The following INTS6L variants were observed in gnomAD, a reference collection of about 807,000 sequenced individuals.
INTS6L encodes integrator complex subunit 6 like.
A neutral mutation model predicts 64.7 loss-of-function variants in INTS6L; 18 were observed. The observed-to-expected ratio is 0.28, with a 90% CI of 0.19 to 0.41. The LOEUF (loss-of-function observed/expected upper bound fraction) is 0.41, where lower values mean the gene tolerates loss of function less well. Ranked by LOEUF, INTS6L falls within the 10% of genes least tolerant of loss-of-function variation. INTS6L has a pLI of 1.00. For synonymous variants in INTS6L, 227 were observed against 235.9 expected (o/e 0.96, Z 0.34); for missense variants, 533 against 661.0 (o/e 0.81, Z 2.12).
chrX:135,540,766 C>CT (rs1250513540), intron 2 of INTS6L, among the ~76,000 whole-genome samples: 3 of 107,385 alleles, frequency 2.8e-5, no homozygotes, highest in Non-Finnish European at 3.9e-5. Flanking sequence ...CTCCCACCCC[C>CT]TTTTTTTTGA....
At chrX:135,565,080 C>T (rs1478806334) in intron 9 of INTS6L, among the ~76,000 whole-genome samples, 1 of 111,934 alleles carries the variant, frequency 8.9e-6, no homozygotes, top group Non-Finnish European at 1.9e-5. Flanking sequence ...TCCACTGACA[C>T]CATATGGGTA....
chrX:135,572,683 A>C, intron 11 of INTS6L, 132 bp from the exon 12 acceptor site: 1 of 533,045 alleles, frequency 1.9e-6, no homozygotes, highest in Non-Finnish European at 3.0e-6. Context: ...AAAATGTTTA[A>C]TTATCCATTT....
chrX:135,537,162 T>C (rs1351808704), intron 2 of INTS6L, among the ~76,000 whole-genome samples: 2 of 111,958 alleles, frequency 1.8e-5, no homozygotes, highest in Non-Finnish European at 3.8e-5. Flanking sequence ...AGGAGAAAAG[T>C]GCAAATTCTC....
chrX:135,524,633 A>AT (rs2085681635), intron 2 of INTS6L, among the ~76,000 whole-genome samples: 2 of 111,018 alleles, frequency 1.8e-5, no homozygotes, highest in Non-Finnish European at 3.8e-5. Context: ...TGGTTGGAAG[A>AT]TTTTTTTCTT....
chrX:135,558,934 C>T (rs1252192255), intron 9 of INTS6L, among the ~76,000 whole-genome samples: 2 of 108,514 alleles, frequency 1.8e-5, no homozygotes, highest in Non-Finnish European at 3.8e-5. Flanking sequence ...TACAGGTGCG[C>T]ACCACCACGC....
Position 135,538,624 on chromosome X carries a change from A to G in INTS6L, c.190-6799A>G, listed in dbSNP as rs781895998. ...TTGAATCATTCCCAGAAGGTTTTCA[A>G]CTTTTCCCAGACGCATCACAGGAAT... On this transcript the variant is annotated intron_variant, in intron 2 of 17. Coordinates refer to ENST00000639893, the MANE Select transcript of INTS6L (RefSeq NM_001351601.3). Among the ~76,000 whole-genome samples the G allele has an allele frequency of 2.8e-3, 310 of 112,415 alleles. 1 individual carries two copies. The highest frequency in any genetic ancestry group is 4.8e-3 in the Non-Finnish European group (254 of 53,255).
At chrX:135,574,816 G>A (rs1328940797) in intron 13 of INTS6L, among the ~76,000 whole-genome samples, 5 of 112,128 alleles carry the variant, frequency 4.5e-5, no homozygotes, top group African/African-American at 9.7e-5. Context: ...GGATGGTGGT[G>A]TAGGGTCAGC....
intron 2 of INTS6L, among the ~76,000 whole-genome samples, chrX:135,544,987 T>C (rs1325174807): frequency 1.8e-5 from 2 of 112,246 alleles, no homozygotes; most frequent in African/African-American, 3.2e-5. Context: ...GGTGGAAGAA[T>C]CTTGGTTAGA....
Position 135,540,653 on chromosome X carries a change from C to T in INTS6L, c.190-4770C>T, listed in dbSNP as rs184699001. On this transcript the variant is annotated intron_variant, in intron 2 of 17. Coordinates refer to ENST00000639893, the MANE Select transcript of INTS6L (RefSeq NM_001351601.3). ...GTTTCTCATTTAACTCTTTCATCTG[C>T]ATTTCCATCCTAATTCAGGTCTTGA... is the stretch of plus-strand genomic sequence containing the variant. 6.3e-5 allele frequency among the ~76,000 whole-genome samples: 7 copies of T among 110,901 alleles called. No individual in the cohort carries two copies. In the East Asian group the frequency reaches 2.0e-3, roughly 32 times the overall value.
At chrX:135,533,548 C>T (rs1478754502) in intron 2 of INTS6L, among the ~76,000 whole-genome samples, 1 of 110,546 alleles carries the variant, frequency 9.0e-6, no homozygotes, top group Non-Finnish European at 1.9e-5. Context: ...GCTCTCCCTT[C>T]CCCCACCCCC....
chrX:135,560,959 C>CTTT (rs200672440), intron 9 of INTS6L, among the ~76,000 whole-genome samples: 1 of 84,372 alleles, frequency 1.2e-5, no homozygotes, highest in Non-Finnish European at 2.2e-5. Context: ...TCTTTTCTTT[C>CTTT]TTTTTTTTTT....
At position 135,567,122 on chromosome X, in the gene INTS6L, C is replaced by G. The variant is rs186001608; in HGVS notation, c.1193-2215C>G. 9.6e-4 allele frequency among the ~76,000 whole-genome samples: 107 copies of G among 111,735 alleles called. No individual in the cohort carries two copies. In the East Asian group the frequency reaches 0.024, roughly 25 times the overall value. Reference sequence around the variant, plus strand: ...ACCCATTTTATAGATGAAATGGAGGCTTACAAAAGGCAATTTCTCCAAACT... The same window carrying G: ...ACCCATTTTATAGATGAAATGGAGGGTTACAAAAGGCAATTTCTCCAAACT... On this transcript the variant is annotated intron_variant, in intron 9 of 17. Transcript: ENST00000639893.
At chrX:135,556,948 T>C (rs2086661112) in intron 9 of INTS6L, among the ~76,000 whole-genome samples, 1 of 111,908 alleles carries the variant, frequency 8.9e-6, no homozygotes, top group Admixed American at 9.5e-5. Flanking sequence ...TTCTTAATTT[T>C]TGCAAAAAGG....
intron 14 of INTS6L, 140 bp downstream of exon 14, chrX:135,575,366 G>A: frequency 1.3e-6 from 1 of 751,345 alleles, no homozygotes; most frequent in Non-Finnish European, 1.9e-6. Flanking sequence ...GGCTCTTAGT[G>A]GGAGCCTCCT....
intron 3 of INTS6L, 105 bp from the exon 4 acceptor site, chrX:135,546,275 C>T: frequency 2.0e-6 from 1 of 489,474 alleles, no homozygotes; most frequent in Non-Finnish European, 3.1e-6. Flanking sequence ...TTTATCCAGA[C>T]AAATTTTATC....
At chrX:135,565,696 A>G (rs112246568) in intron 9 of INTS6L, among the ~76,000 whole-genome samples, 2,663 of 111,492 alleles carry the variant, frequency 0.024, 80 homozygotes, top group African/African-American at 0.082. Context: ...TCTTCAAGCC[A>G]AGCTGAACTC....
At chrX:135,551,595 C>T (rs1243290336) in intron 7 of INTS6L, among the ~76,000 whole-genome samples, 1 of 112,173 alleles carries the variant, frequency 8.9e-6, no homozygotes, top group Non-Finnish European at 1.9e-5. Context: ...CCCAGCATAT[C>T]TGGACTATCT....
At chrX:135,521,345 G>A (rs1556496701) in intron 2 of INTS6L, 27 bp downstream of exon 2, 3 of 1,173,106 alleles carry the variant, frequency 2.6e-6, no homozygotes, top group Admixed American at 4.9e-5. Context: ...TGGGGGGACA[G>A]GCGGGAAGCG....
intron 8 of INTS6L, 69 bp downstream of exon 8, chrX:135,552,215 T>C (rs1449614007): frequency 1.9e-6 from 2 of 1,033,083 alleles, no homozygotes; most frequent in Admixed American, 6.9e-5. Flanking sequence ...TTTAAGAAGC[T>C]TCAAAGGTTA....
Sources: gnomAD v4.1 joint callset for allele counts (sites outside exome capture counted in the v4.1 genomes callset) on GRCh38, gnomAD v4.1.1 for gene constraint, MANE v1.5 for transcripts, NCBI Gene and HGNC (gene_info 2026-07-23, HGNC 2026-07-21) for gene names.